Variants in TMX3 observed in about 807,000 individuals in gnomAD.
TMX3 encodes the protein thioredoxin related transmembrane protein 3.
A neutral mutation model predicts 64.4 loss-of-function variants in TMX3; 40 were observed. The observed-to-expected ratio is 0.62, with a 90% CI of 0.48 to 0.81. The LOEUF is 0.81. TMX3 is among the 30% of genes least tolerant of loss of function. The probability of loss-of-function intolerance (pLI) is 0.00; values close to 1 mark genes in which losing one functional copy is unlikely to be tolerated. For synonymous variants in TMX3, 189 were observed against 175.7 expected (o/e 1.08, Z -0.60); for missense variants, 497 against 534.5 (o/e 0.93, Z 0.69).
rs11151462 is a variant in TMX3 at position 68,698,884 on chromosome 18, T to C, written c.393-853A>G. Among the ~76,000 whole-genome samples, 148 of 149,668 alleles carry C rather than the reference T, an allele frequency of 9.9e-4. 1 individual carries two copies. The Middle Eastern group carries it at 0.017, about 17-fold the overall frequency. On this transcript the variant is annotated intron_variant, in intron 6 of 15. Transcript: ENST00000299608. ...ACAAAAAAAAAAAATTAGCCGGGCG[T>C]GGTAGCGGGCGCCTGTAGTCCCAGC... is the stretch of plus-strand genomic sequence containing the variant.
intron 15 of TMX3, among the ~76,000 whole-genome samples, chr18:68,678,720 A>G (rs1237678187): frequency 6.6e-6 from 1 of 152,152 alleles, no homozygotes; most frequent in Non-Finnish European, 1.5e-5. Context: ...TTTAGAAAGT[A>G]TAATTATAAA....
At position 68,673,900 on chromosome 18, in the gene TMX3, C is replaced by T. The variant is rs2144990244; in HGVS notation, c.*3033G>A. The stretch of plus-strand genomic sequence containing the variant: ...AAAAATAAAATGTCAAGCCTAATCC[C>T]ACCAATTGATAGTCTTAATATCCTA... On this transcript the variant is annotated 3_prime_UTR_variant, in exon 16 of 16. Transcript: ENST00000299608. 6.6e-6 allele frequency: 1 copy of T among 152,214 alleles called. No individual in the cohort carries two copies. The highest frequency in any genetic ancestry group is 3.4e-3 in the Middle Eastern group (1 of 294). 9.4% of individuals were successfully genotyped at this position (152,214 alleles called of 1,614,324 possible). A position where few individuals can be genotyped will look rare whatever the true frequency, so the allele number is the denominator to read the frequency against.
At chr18:68,697,887 T>G in intron 7 of TMX3, 45 bp downstream of exon 7, 10 of 1,271,608 alleles carry the variant, frequency 7.9e-6, no homozygotes, top group Non-Finnish European at 1.1e-5. Context: ...TAGAGTAAAT[T>G]AAATTACAAT....
chr18:68,715,044 C>G lies in TMX3; in HGVS notation c.-63G>C. The G allele has an allele frequency of 6.5e-7, 1 of 1,547,572 alleles. No individual in the cohort carries two copies. The highest frequency in any genetic ancestry group is 1.2e-5 in the South Asian group (1 of 83,922). Reference sequence around the variant, plus strand: ...AGAGGGATAAAGACACTGGGGTCCGCCGCCTGCCCGCCCGGAAAGGGAAAC... The same window carrying G: ...AGAGGGATAAAGACACTGGGGTCCGGCGCCTGCCCGCCCGGAAAGGGAAAC... On this transcript the variant is annotated 5_prime_UTR_variant, in exon 1 of 16. Coordinates refer to ENST00000299608, the MANE Select transcript of TMX3 (RefSeq NM_019022.5).
At chr18:68,694,103 G>A (rs774474883) in intron 8 of TMX3, among the ~76,000 whole-genome samples, 33 of 152,024 alleles carry the variant, frequency 2.2e-4, no homozygotes, top group African/African-American at 5.6e-4. Flanking sequence ...TCCTGGATGC[G>A]GGACAAGAAC....
intron 10 of TMX3, among the ~76,000 whole-genome samples, chr18:68,685,493 C>T (rs1051767472): frequency 2.6e-5 from 4 of 152,126 alleles, no homozygotes; most frequent in African/African-American, 7.2e-5. Context: ...GTATTATATG[C>T]TTCTTTAATT....
At chr18:68,699,730 C>T (rs1195309386) in intron 6 of TMX3, among the ~76,000 whole-genome samples, 1 of 152,100 alleles carries the variant, frequency 6.6e-6, no homozygotes, top group African/African-American at 2.4e-5. Context: ...TAAGCACCGA[C>T]TTTCTTTATA....
At chr18:68,683,850 T>C (rs1913682554) in intron 12 of TMX3, among the ~76,000 whole-genome samples, 1 of 152,188 alleles carries the variant, frequency 6.6e-6, no homozygotes, top group African/African-American at 2.4e-5. Context: ...AATAAACATA[T>C]ACATAATTTT....
intron 4 of TMX3, 149 bp from the exon 5 acceptor site, chr18:68,701,939 A>G (rs918783518): frequency 5.1e-6 from 3 of 587,030 alleles, no homozygotes; most frequent in Non-Finnish European, 5.9e-6. Flanking sequence ...AAATCACACA[A>G]AAGAAAAAAA....
intron 10 of TMX3, among the ~76,000 whole-genome samples, chr18:68,686,392 C>T (rs1201137525): frequency 6.6e-6 from 1 of 152,154 alleles, no homozygotes. Context: ...CTACATTTCC[C>T]CCTCTTCCTT....
At chr18:68,691,505 A>C in intron 8 of TMX3, 144 bp from the exon 9 acceptor site, 1 of 530,768 alleles carries the variant, frequency 1.9e-6, no homozygotes, top group East Asian at 3.0e-5. Context: ...TAAAGAGTAC[A>C]GTCAATCCCA....
chr18:68,707,831 T>C (rs746470689), intron 4 of TMX3, among the ~76,000 whole-genome samples: 51 of 152,154 alleles, frequency 3.4e-4, no homozygotes, highest in Non-Finnish European at 6.9e-4. Flanking sequence ...TGACAAATAG[T>C]ACTTGGTAAA....
rs1435500408 is a variant in TMX3 at position 68,674,157 on chromosome 18, G to A, written c.*2776C>T. On this transcript the variant is annotated 3_prime_UTR_variant, in exon 16 of 16. Coordinates refer to ENST00000299608, the MANE Select transcript of TMX3 (RefSeq NM_019022.5). ...CCTTCCTTCAATCCCCCAGATACTT[G>A]GCATTTAAATGTTATTTCTAAATCA... is the stretch of plus-strand genomic sequence containing the variant. The A allele has an allele frequency of 6.6e-6, 1 of 151,962 alleles. No individual in the cohort carries two copies. Among genetic ancestry groups the A allele is most frequent in the African/African-American group, 2.4e-5 (1 of 41,354 alleles). The allele number at this position is 151,962 out of a possible 1,614,324, so 9.4% of individuals were successfully genotyped here. A position where few individuals can be genotyped will look rare whatever the true frequency, so the allele number is the denominator to read the frequency against.
intron 4 of TMX3, among the ~76,000 whole-genome samples, chr18:68,708,717 C>T (rs986604250): frequency 2.6e-5 from 4 of 152,066 alleles, no homozygotes; most frequent in Non-Finnish European, 5.9e-5. Context: ...ATGTGTATTA[C>T]CTCATACTGA....
chr18:68,701,942 G>GA (rs1417557245), intron 4 of TMX3, 152 bp from the exon 5 acceptor site: 2 of 565,046 alleles, frequency 3.5e-6, no homozygotes, highest in Non-Finnish European at 6.1e-6. Flanking sequence ...TCACACAAAA[G>GA]AAAAAAACAT....
At position 68,677,023 on chromosome 18, in the gene TMX3, C is replaced by T. The variant is rs902670950; in HGVS notation, c.1275G>A (p.Glu425=). Residue 425 remains glutamate, a synonymous_variant, in exon 16 of 16, where the codon GAG becomes GAA. Transcript: ENST00000299608. ...TGCTGGGCTCCTGCTGTTCTTTGCTCTCTTCTATCTGTTCTTGGTTTTCAT... is the reference window on the plus strand; with the variant it reads ...TGCTGGGCTCCTGCTGTTCTTTGCTTTCTTCTATCTGTTCTTGGTTTTCAT... ...SENENQEQIE[E]SKEQQEPSSG... The T allele has an allele frequency of 8.1e-6, 13 of 1,613,684 alleles. No homozygotes were observed. Among genetic ancestry groups the T allele is most frequent in the Non-Finnish European group, 1.1e-5 (13 of 1,179,824 alleles).
chr18:68,714,959 G>T lies in TMX3; in HGVS notation c.23C>A (p.Thr8Lys). MAAWKSW[T>K]ALRLCATVVV... ...ACCTGTGGCGCAGAGCCGCAGGGCC[G>T]TCCAACTCTTCCACGCTGCCATGCT... The change falls in exon 1 of 16, where the codon ACG (threonine) becomes AAG (lysine). Residue 8 changes from threonine to lysine, a missense_variant. This residue lies in a region of TMX3 where 360 missense variants were observed against 383.5 expected (regional missense o/e 0.94). Coordinates refer to ENST00000299608, the MANE Select transcript of TMX3 (RefSeq NM_019022.5). The T allele has an allele frequency of 1.1e-5, 17 of 1,573,352 alleles. No homozygotes were observed. The highest frequency in any genetic ancestry group is 1.4e-5 in the Non-Finnish European group (16 of 1,160,152).
intron 8 of TMX3, among the ~76,000 whole-genome samples, chr18:68,691,642 G>A (rs1345283279): frequency 6.6e-6 from 1 of 152,132 alleles, no homozygotes; most frequent in Non-Finnish European, 1.5e-5. Context: ...GCCTATTCAG[G>A]TTTAAGTCCT....
At chr18:68,700,339 C>T in intron 6 of TMX3, 66 bp downstream of exon 6, 1 of 1,100,592 alleles carries the variant, frequency 9.1e-7, no homozygotes, top group Non-Finnish European at 1.3e-6. Flanking sequence ...TCAATACAGT[C>T]TATTAAAATA....
Sources: gnomAD v4.1 joint callset for allele counts (sites outside exome capture counted in the v4.1 genomes callset) on GRCh38, gnomAD v4.1.1 for gene constraint, gnomAD v4.1.1 regional missense constraint, MANE v1.5 for transcripts, NCBI Gene and HGNC (gene_info 2026-07-23, HGNC 2026-07-21) for gene names.